Variants in CDH23 observed in about 807,000 individuals in gnomAD.
CDH23 encodes the protein cadherin related 23.
Under a neutral mutation model 317.1 loss-of-function variants are expected in CDH23, and 189 were observed. The observed-to-expected ratio is 0.60, with a 90% CI of 0.53 to 0.67. The LOEUF (loss-of-function observed/expected upper bound fraction) is 0.67, where lower values mean the gene tolerates loss of function less well. Among genes scored for constraint, CDH23 ranks in the 30% least tolerant of loss-of-function variants. The probability of loss-of-function intolerance (pLI) is 0.00; values close to 1 mark genes in which losing one functional copy is unlikely to be tolerated. For missense variants in CDH23, 4,401 were observed against 4,592.4 expected (o/e 0.96, Z 1.20); for synonymous variants, 1,839 against 1,876.8 (o/e 0.98, Z 0.52).
intron 11 of CDH23, among the ~76,000 whole-genome samples, chr10:71,636,994 TG>T (rs1282452157): frequency 6.6e-6 from 1 of 152,002 alleles, no homozygotes; most frequent in Non-Finnish European, 1.5e-5. Context: ...GGCATCTCAG[TG>T]GGCAGAGAGA....
chr10:71,617,415 C>T lies in CDH23; in HGVS notation c.1134+22C>T, dbSNP rs115745871. The T allele has an allele frequency of 1.1e-3, 1,811 of 1,609,368 alleles. 17 individuals are homozygous for T. The African/African-American group carries it at 0.022, about 20-fold the overall frequency. ...TGAGGTGAGTCCCTGGACACATGGC[C>T]CATGCAGACCCACCACCCATCCAGA... On this transcript the variant is annotated intron_variant, in intron 11 of 69. Coordinates refer to ENST00000224721, the MANE Select transcript of CDH23 (RefSeq NM_022124.6).
chr10:71,574,596 C>T (rs542299771), intron 8 of CDH23, among the ~76,000 whole-genome samples: 23 of 152,266 alleles, frequency 1.5e-4, no homozygotes, highest in African/African-American at 2.9e-4. Context: ...TCCTTAATCC[C>T]GTCATGGAAA....
intron 2 of CDH23, among the ~76,000 whole-genome samples, chr10:71,443,847 G>A (rs556409489): frequency 1.2e-3 from 189 of 152,348 alleles, no homozygotes; most frequent in Non-Finnish European, 2.3e-3. Context: ...TGTCTGCCCC[G>A]CCTGTGGTGG....
At chr10:71,597,561 C>T (rs1214347041) in intron 9 of CDH23, among the ~76,000 whole-genome samples, 1 of 151,988 alleles carries the variant, frequency 6.6e-6, no homozygotes, top group Admixed American at 6.5e-5. Flanking sequence ...TGGAACCTAC[C>T]TCCCAAGGAG....
intron 1 of CDH23, among the ~76,000 whole-genome samples, chr10:71,438,362 AAAAG>A (rs1280960858): frequency 4.6e-5 from 7 of 151,018 alleles, no homozygotes; most frequent in Non-Finnish European, 7.4e-5. Flanking sequence ...AAAAAAAAAA[AAAAG>A]AAAGAAAGAA....
At chr10:71,680,307 TCC>T (rs1392344808) in intron 17 of CDH23, among the ~76,000 whole-genome samples, 2 of 152,258 alleles carry the variant, frequency 1.3e-5, no homozygotes, top group East Asian at 3.9e-4. Context: ...TAACACCTCC[TCC>T]TTTGGGAAGC....
intron 14 of CDH23, among the ~76,000 whole-genome samples, chr10:71,664,228 T>C (rs1434874349): frequency 3.3e-5 from 5 of 152,288 alleles, no homozygotes; most frequent in Admixed American, 6.5e-5. Context: ...CCGTAATTGC[T>C]TCCCCCACTA....
intron 3 of CDH23, among the ~76,000 whole-genome samples, chr10:71,492,402 A>G (rs1036831562): frequency 3.3e-5 from 5 of 152,108 alleles, no homozygotes; most frequent in African/African-American, 1.2e-4. Context: ...TAAAAACCAA[A>G]CACACCCAAC....
chr10:71,716,403 T>C (rs1256453609), intron 28 of CDH23: 9 of 1,343,622 alleles, frequency 6.7e-6, no homozygotes, highest in South Asian at 4.6e-5. Flanking sequence ...GCAGCGGGTA[T>C]AGGGAAGACT....
intron 11 of CDH23, among the ~76,000 whole-genome samples, chr10:71,631,168 C>A (rs7094964): frequency 6.6e-6 from 1 of 152,148 alleles, no homozygotes; most frequent in South Asian, 2.1e-4. Flanking sequence ...CGCTTCAGCC[C>A]GGAGATTTAG....
At position 71,660,648 on chromosome 10, in the gene CDH23, G is replaced by A. The variant is rs535248816; in HGVS notation, c.1449+14031G>A. ...CACATGGCTGTGCTTAGCTGCAAAG[G>A]AGGCTGGGAAATTTAGCATTTTTAG... On this transcript the variant is annotated intron_variant, in intron 14 of 69. Transcript: ENST00000224721. 5.3e-5 allele frequency among the ~76,000 whole-genome samples: 8 copies of A among 152,248 alleles called. No individual in the cohort carries two copies. The South Asian group carries it at 1.5e-3, about 28-fold the overall frequency.
At chr10:71,799,008 G>T in intron 50 of CDH23, 103 bp from the exon 51 acceptor site, 1 of 1,146,520 alleles carries the variant, frequency 8.7e-7, no homozygotes, top group South Asian at 1.5e-5. Context: ...TCCTTCAAGT[G>T]ACCACAGCTG....
intron 14 of CDH23, among the ~76,000 whole-genome samples, chr10:71,664,613 A>G (rs1863808174): frequency 6.6e-6 from 1 of 152,234 alleles, no homozygotes; most frequent in African/African-American, 2.4e-5. Flanking sequence ...TGGAAATAAT[A>G]ATACTAGCTC....
At position 71,784,414 on chromosome 10, in the gene CDH23, C is replaced by A; in HGVS notation, c.5496C>A (p.Ser1832Arg). Residue 1832 changes from serine (S) to arginine (R), a missense_variant, in exon 42 of 70, where the codon AGC becomes AGA. By Grantham distance (110) the Ser-to-Arg change is moderately radical. Transcript: ENST00000224721. ...CARDRGMPPL[S>R]STMLVGIRVL... Reference sequence around the variant, plus strand: ...GTGACCGGGGGATGCCCCCACTCAGCTCCACAGTGAGTCTGGGGGCCCCAC... The same window carrying A: ...GTGACCGGGGGATGCCCCCACTCAGATCCACAGTGAGTCTGGGGGCCCCAC... The A allele has an allele frequency of 6.2e-7, 1 of 1,612,656 alleles. No individual in the cohort carries two copies. Among genetic ancestry groups the A allele is most frequent in the Non-Finnish European group, 8.5e-7 (1 of 1,179,134 alleles).
chr10:71,599,760 A>G (rs1199163242), intron 9 of CDH23, among the ~76,000 whole-genome samples: 1 of 152,160 alleles, frequency 6.6e-6, no homozygotes, highest in Admixed American at 6.5e-5. Flanking sequence ...CTTCTGGTCC[A>G]CCCATCTGGT....
chr10:71,631,337 C>A (rs1042031509), intron 11 of CDH23, among the ~76,000 whole-genome samples: 4 of 152,158 alleles, frequency 2.6e-5, no homozygotes. Context: ...GGGGACTGGG[C>A]AGCCCCAGGA....
At chr10:71,698,654 A>T (rs77637095) in intron 22 of CDH23, among the ~76,000 whole-genome samples, 4,117 of 152,114 alleles carry the variant, frequency 0.027, 236 homozygotes, top group East Asian at 0.2. Context: ...TGCTCTTTTC[A>T]TAGGTAGCTC....
intron 9 of CDH23, among the ~76,000 whole-genome samples, chr10:71,607,774 G>A (rs1039524644): frequency 2.1e-4 from 32 of 152,192 alleles, no homozygotes; most frequent in African/African-American, 7.2e-4. Flanking sequence ...GCAGTGGTGT[G>A]CACCTGCAGT....
intron 38 of CDH23, among the ~76,000 whole-genome samples, chr10:71,754,804 G>A (rs1169861179): frequency 1.3e-5 from 2 of 152,146 alleles, no homozygotes; most frequent in African/African-American, 2.4e-5. Flanking sequence ...AAGAGCATGC[G>A]TTGAAAGCTC....
Sources: gnomAD v4.1 joint callset for allele counts (sites outside exome capture counted in the v4.1 genomes callset) on GRCh38, gnomAD v4.1.1 for gene constraint, MANE v1.5 for transcripts, NCBI Gene and HGNC (gene_info 2026-07-23, HGNC 2026-07-21) for gene names.